Variants in ZNF726 observed in about 807,000 individuals in gnomAD.
ZNF726 encodes zinc finger protein 726, also known as zinc finger protein 92 pseudogene 3.
In ZNF726, 15 loss-of-function variants were observed where a neutral mutation model predicts 11.6. The observed-to-expected ratio is 1.29, with a 90% CI of 0.86 to 1.99. The LOEUF (loss-of-function observed/expected upper bound fraction) is 1.99, where lower values mean the gene tolerates loss of function less well. Among genes scored for constraint, ZNF726 ranks in the 30% most tolerant of loss-of-function variants. ZNF726 has a pLI of 0.00. For synonymous variants in ZNF726, 295 were observed against 243.6 expected (o/e 1.21, Z -1.96); for missense variants, 890 against 725.6 (o/e 1.23, Z -2.60).
At chr19:23,929,062 T>G (rs973081600) in intron 3 of ZNF726, 17 of 152,114 alleles carry the variant, frequency 1.1e-4, no homozygotes, top group African/African-American at 3.9e-4. Flanking sequence ...CCTCTCAAAG[T>G]CCTGAGATTA....
At chr19:23,939,791 A>C (rs1477251076) in intron 3 of ZNF726, among the ~76,000 whole-genome samples, 1 of 149,220 alleles carries the variant, frequency 6.7e-6, no homozygotes, top group East Asian at 1.9e-4. Context: ...TGAACTTTTT[A>C]AATGTTTGTT....
chr19:23,924,808 C>T (rs1276207068), intron 3 of ZNF726, among the ~76,000 whole-genome samples: 2 of 151,864 alleles, frequency 1.3e-5, no homozygotes, highest in East Asian at 3.9e-4. Flanking sequence ...GTCAGGATTA[C>T]TTGACGCTGG....
intron 3 of ZNF726, among the ~76,000 whole-genome samples, chr19:23,942,801 A>T (rs540858799): frequency 2.0e-5 from 3 of 152,240 alleles, no homozygotes; most frequent in Admixed American, 1.3e-4. Flanking sequence ...TTTGGTGTCC[A>T]TTTGCATGAA....
chr19:23,941,002 G>A (rs73023225), intron 3 of ZNF726, among the ~76,000 whole-genome samples: 1,900 of 152,174 alleles, frequency 0.012, 18 homozygotes, highest in Middle Eastern at 0.02. Context: ...CTCTAGGTAG[G>A]ACTCCAGAAC....
Position 23,934,344 on chromosome 19 carries a change from C to T in ZNF726, c.*377C>T, listed in dbSNP as rs778409195. ...GGCAAAGCCTTTAAATGTTCCTCAA[C>T]TGTTACTGAACATAAAGTAATTCAT... On this transcript the variant is annotated 3_prime_UTR_variant, in exon 4 of 4. Coordinates refer to ENST00000594466, the MANE Select transcript of ZNF726 (RefSeq NM_001244038.2). 2 of 553,712 alleles carry T rather than the reference C, an allele frequency of 3.6e-6. No homozygotes were observed. Among genetic ancestry groups the T allele is most frequent in the African/African-American group, 1.9e-5 (1 of 52,854 alleles). The allele number at this position is 553,712 out of a possible 1,614,324, so 34.3% of individuals were successfully genotyped here.
At chr19:23,917,813 T>C (rs975670539) in intron 1 of ZNF726, among the ~76,000 whole-genome samples, 2 of 152,014 alleles carry the variant, frequency 1.3e-5, no homozygotes, top group South Asian at 2.1e-4. Flanking sequence ...ATTTTGCTGA[T>C]TTTTTCTAAC....
intron 3 of ZNF726, among the ~76,000 whole-genome samples, chr19:23,925,950 C>T (rs116495874): frequency 0.01 from 1,529 of 151,924 alleles, 28 homozygotes; most frequent in African/African-American, 0.035. Flanking sequence ...CACCTGTCCT[C>T]GTGATCCGCC....
At chr19:23,926,225 T>C (rs1967983829) in intron 3 of ZNF726, among the ~76,000 whole-genome samples, 2 of 152,132 alleles carry the variant, frequency 1.3e-5, no homozygotes, top group Non-Finnish European at 1.5e-5. Flanking sequence ...GCCCCAAGAC[T>C]GATGTCGTGT....
At position 23,919,335 on chromosome 19, in the gene ZNF726, C is replaced by T. The variant is rs773581626; in HGVS notation, c.4-38C>T. The T allele has an allele frequency of 5.7e-6, 9 of 1,590,334 alleles. 1 individual carries two copies. In the Admixed American group the frequency reaches 8.5e-5, roughly 15 times the overall value. On this transcript the variant is annotated intron_variant, in intron 1 of 3. Coordinates refer to ENST00000594466, the MANE Select transcript of ZNF726 (RefSeq NM_001244038.2). ...GTCAAATGAAAAATTCTGCCCATAG[C>T]CACTTTGTAAATATGTGTGTTTGTG...
At chr19:23,937,204 C>A (rs1425138774), downstream of ZNF726, among the ~76,000 whole-genome samples, 1 of 151,074 alleles carries the variant, frequency 6.6e-6, no homozygotes, top group Non-Finnish European at 1.5e-5. Context: ...CTCCACCTCC[C>A]TCCCGGACGG....
chr19:23,923,053 GAATTA>G, intron 3 of ZNF726, among the ~76,000 whole-genome samples: 1 of 151,638 alleles, frequency 6.6e-6, no homozygotes, highest in African/African-American at 2.4e-5. Flanking sequence ...TGTTGTTCCT[GAATTA>G]AATTAGATAA....
rs769243562 is a variant in ZNF726 at position 23,933,208 on chromosome 19, T to TG, written c.1094dup (p.Glu366ArgfsTer7). On this transcript the variant is annotated frameshift_variant, in exon 4 of 4. Coordinates refer to ENST00000594466, the MANE Select transcript of ZNF726 (RefSeq NM_001244038.2). LOFTEE classifies it low-confidence loss of function (END_TRUNC). The stretch of plus-strand genomic sequence containing the variant: ...TTACTACACATAGGATAATTCATAC[T>TG]GGAGAGAAACCCTACAAATGTGAAG... The TG allele has an allele frequency of 4.5e-5, 73 of 1,613,170 alleles. No homozygotes were observed. The African/African-American group carries it at 8.3e-4, about 18-fold the overall frequency.
In ZNF726 at chr19:23,933,354, C is replaced by A. The variant is rs746071554; in HGVS notation, c.1238C>A (p.Thr413Asn). 9 of 1,612,348 alleles carry A rather than the reference C, an allele frequency of 5.6e-6. No individual in the cohort carries two copies. The highest frequency in any genetic ancestry group is 6.8e-6 in the Non-Finnish European group (8 of 1,179,702). The change falls in exon 4 of 4, where the codon ACT becomes AAT. Residue 413 changes from threonine to asparagine, a missense_variant. Transcript: ENST00000594466. Reference protein sequence around the residue: ...GKAFHRSSNLTKHKIIHTGEK... With the variant: ...GKAFHRSSNLNKHKIIHTGEK... ...GCTTTTCATCGATCCTCAAATCTTA[C>A]TAAACATAAGATAATTCATACTGGA...
chr19:23,943,596 A>G lies in ZNF726; in HGVS notation c.322+7A>G, dbSNP rs908151491. The G allele has an allele frequency of 1.9e-5, 12 of 619,116 alleles. No homozygotes were observed. The African/African-American group carries it at 2.0e-4, about 10-fold the overall frequency. The allele number at this position is 619,116 out of a possible 1,614,324, so 38.4% of individuals were successfully genotyped here. A position where few individuals can be genotyped will look rare whatever the true frequency, so the allele number is the denominator to read the frequency against. On this transcript the variant is annotated splice_region_variant and intron_variant, in intron 4 of 4. Coordinates refer to the ZNF726 transcript ENST00000334589. ...ACAGTAGTCAAATACTCAGGTAGGT[A>G]AGCATGAATGAAGCCGATAACACAG...
At chr19:23,923,301 G>C (rs928171376) in intron 3 of ZNF726, 2 of 333,984 alleles carry the variant, frequency 6.0e-6, no homozygotes, top group African/African-American at 4.6e-5. Context: ...AAATTGGCAT[G>C]AATTTCTTTT....
At chr19:23,919,268 T>C (rs1967780150) in intron 1 of ZNF726, 105 bp from the exon 2 acceptor site, 3 of 1,522,922 alleles carry the variant, frequency 2.0e-6, no homozygotes, top group African/African-American at 1.4e-5. Context: ...GTCCCTCTTA[T>C]AAGTTAGAAT....
At chr19:23,940,914 T>C (rs1181953035) in intron 3 of ZNF726, among the ~76,000 whole-genome samples, 2 of 152,098 alleles carry the variant, frequency 1.3e-5, no homozygotes, top group African/African-American at 4.8e-5. Flanking sequence ...TCAAGGTAAA[T>C]TATCATATCA....
At chr19:23,922,226 T>G (rs376231096) in intron 3 of ZNF726, among the ~76,000 whole-genome samples, 108 of 152,270 alleles carry the variant, frequency 7.1e-4, no homozygotes, top group African/African-American at 2.4e-3. Flanking sequence ...CAAGGGCAGG[T>G]TTCTGCAGTC....
intron 1 of ZNF726, among the ~76,000 whole-genome samples, chr19:23,916,436 G>A (rs138751783): frequency 4.6e-5 from 7 of 152,100 alleles, no homozygotes; most frequent in African/African-American, 1.7e-4. Context: ...GGGCTCAAAC[G>A]GTTCTCATTT....
Sources: gnomAD v4.1 joint callset for allele counts (sites outside exome capture counted in the v4.1 genomes callset) on GRCh38, gnomAD v4.1.1 for gene constraint, MANE v1.5 for transcripts, NCBI Gene and HGNC (gene_info 2026-07-23, HGNC 2026-07-21) for gene names.